The following PTPRG variants were observed in gnomAD, a reference collection of about 807,000 sequenced individuals.
PTPRG encodes protein tyrosine phosphatase receptor type G, also known as receptor-type tyrosine-protein phosphatase gamma.
PTPRG carries 102 observed loss-of-function variants against 165.3 expected under a neutral mutation model. The ratio of observed to expected loss-of-function variants is 0.62; its 90% CI spans 0.53 to 0.73. The LOEUF (loss-of-function observed/expected upper bound fraction) is 0.73. Among genes scored for constraint, PTPRG ranks in the 30% least tolerant of loss-of-function variants. The probability of loss-of-function intolerance (pLI) is 0.00; values close to 1 mark genes in which losing one functional copy is unlikely to be tolerated. For missense variants in PTPRG, 1,866 were observed against 1,861.4 expected, an observed-to-expected ratio of 1.00 and a Z score of -0.05; for synonymous variants, 675 against 669.5, an observed-to-expected ratio of 1.01 and a Z score of -0.13.
intron 2 of PTPRG, among the ~76,000 whole-genome samples, chr3:61,790,964 A>G (rs185852635): frequency 1.1e-4 from 16 of 152,334 alleles, no homozygotes; most frequent in Admixed American, 9.1e-4. Context: ...GGATATTTGT[A>G]ATTAAAATGA....
chr3:61,937,159 C>G (rs1327157586), intron 2 of PTPRG, among the ~76,000 whole-genome samples: 1 of 152,154 alleles, frequency 6.6e-6, no homozygotes, highest in Non-Finnish European at 1.5e-5. Context: ...TAAAGTCTTT[C>G]CTTGAAAGAT....
chr3:62,061,174 T>TA (rs1700798075), intron 4 of PTPRG, among the ~76,000 whole-genome samples: 1 of 152,234 alleles, frequency 6.6e-6, no homozygotes, highest in African/African-American at 2.4e-5. Context: ...CTGGAGTTTT[T>TA]AATGGGCACA....
At chr3:62,037,590 A>G (rs1213952685) in intron 4 of PTPRG, among the ~76,000 whole-genome samples, 2 of 152,230 alleles carry the variant, frequency 1.3e-5, no homozygotes, top group African/African-American at 4.8e-5. Flanking sequence ...CTTGTGTGCC[A>G]AAATCCAACT....
At chr3:61,704,608 C>G (rs934168957) in intron 1 of PTPRG, among the ~76,000 whole-genome samples, 14 of 150,126 alleles carry the variant, frequency 9.3e-5, no homozygotes, top group Admixed American at 6.0e-4. Flanking sequence ...TTGAGAGCCA[C>G]TAGTCTTATG....
intron 4 of PTPRG, among the ~76,000 whole-genome samples, chr3:62,061,402 T>C (rs9311837): frequency 0.16 from 16,451 of 101,730 alleles, 1,045 homozygotes; most frequent in Middle Eastern, 0.22. Flanking sequence ...ACCTGATTAT[T>C]GGTTGACACC....
At chr3:61,581,397 G>A (rs1222089023) in intron 1 of PTPRG, among the ~76,000 whole-genome samples, 1 of 152,156 alleles carries the variant, frequency 6.6e-6, no homozygotes, top group Non-Finnish European at 1.5e-5. Context: ...CCTGGTTTTA[G>A]TAGCAAGGTT....
chr3:61,672,544 C>G (rs1225103286), intron 1 of PTPRG, among the ~76,000 whole-genome samples: 4 of 144,598 alleles, frequency 2.8e-5, no homozygotes, highest in Non-Finnish European at 6.0e-5. Context: ...ACAGCGAAAC[C>G]CCGTCTCCAC....
intron 4 of PTPRG, among the ~76,000 whole-genome samples, chr3:62,052,117 T>G (rs1700487068): frequency 6.6e-6 from 1 of 152,214 alleles, no homozygotes; most frequent in African/African-American, 2.4e-5. Context: ...TGATATATGC[T>G]TTTATATATG....
chr3:62,044,019 C>A (rs1700208570), intron 4 of PTPRG, among the ~76,000 whole-genome samples: 1 of 152,160 alleles, frequency 6.6e-6, no homozygotes, highest in Non-Finnish European at 1.5e-5. Context: ...AATTTTTGCT[C>A]CCAATGATAA....
chr3:61,735,595 A>G (rs1386576323), intron 1 of PTPRG, among the ~76,000 whole-genome samples: 1 of 151,200 alleles, frequency 6.6e-6, no homozygotes, highest in Non-Finnish European at 1.5e-5. Flanking sequence ...AACAAAGCCG[A>G]TGAGAGGCCT....
chr3:61,610,540 T>C (rs1352706410), intron 1 of PTPRG, among the ~76,000 whole-genome samples: 1 of 152,204 alleles, frequency 6.6e-6, no homozygotes, highest in Non-Finnish European at 1.5e-5. Flanking sequence ...GATTATATCG[T>C]ATGTTTGCCT....
chr3:62,218,342 G>A (rs1251481547), intron 12 of PTPRG, among the ~76,000 whole-genome samples: 2 of 152,198 alleles, frequency 1.3e-5, no homozygotes, highest in East Asian at 3.9e-4. Context: ...ACAGGAAAGA[G>A]TAAGGGATGC....
At chr3:62,279,602 T>C (rs945547363) in intron 26 of PTPRG, among the ~76,000 whole-genome samples, 4 of 152,110 alleles carry the variant, frequency 2.6e-5, no homozygotes, top group African/African-American at 9.7e-5. Context: ...ATGTCTTTAA[T>C]ATCTGTGTCC....
chr3:61,996,151 G>C (rs1263017022), intron 3 of PTPRG, among the ~76,000 whole-genome samples: 1 of 152,070 alleles, frequency 6.6e-6, no homozygotes. Context: ...AGTAGATTTT[G>C]ATATTGACAA....
intron 28 of PTPRG, among the ~76,000 whole-genome samples, chr3:62,291,099 T>C (rs1162255615): frequency 1.3e-5 from 2 of 152,138 alleles, no homozygotes; most frequent in Non-Finnish European, 2.9e-5. Flanking sequence ...AGAGGAAATA[T>C]AGATGGTCAG....
intron 5 of PTPRG, among the ~76,000 whole-genome samples, chr3:62,094,898 A>G (rs1559499003): frequency 6.6e-6 from 1 of 152,218 alleles, no homozygotes; most frequent in African/African-American, 2.4e-5. Flanking sequence ...ATATTCCCAC[A>G]TCAGGAAGGC....
chr3:62,179,033 T>TG (rs1328848263), intron 8 of PTPRG, among the ~76,000 whole-genome samples: 2 of 152,220 alleles, frequency 1.3e-5, no homozygotes, highest in African/African-American at 4.8e-5. Flanking sequence ...GGTATCTAGC[T>TG]GGGAGACATC....
chr3:62,168,111 C>T lies in PTPRG; in HGVS notation c.981C>T (p.Asn327=). 1 of 1,614,092 alleles carries T rather than the reference C, an allele frequency of 6.2e-7. No homozygotes were observed. Among genetic ancestry groups the T allele is most frequent in the Non-Finnish European group, 8.5e-7 (1 of 1,180,000 alleles). ...AGTCCGCCGTCCGTGACTCCTGGAA[C>T]CACGACATGACAGACTTCTTAGAAA... ...VSKSAVRDSW[N]HDMTDFLENP... is the part of the protein sequence containing the mutation. Residue 327 remains asparagine, a synonymous_variant, in exon 8 of 30, where the codon AAC becomes AAT. Coordinates refer to ENST00000474889, the MANE Select transcript of PTPRG (RefSeq NM_002841.4).
At chr3:61,908,533 G>T (rs1281712122) in intron 2 of PTPRG, among the ~76,000 whole-genome samples, 3 of 152,098 alleles carry the variant, frequency 2.0e-5, no homozygotes, top group Non-Finnish European at 2.9e-5. Flanking sequence ...GGAGGACGTG[G>T]TTAGAGTTTG....
Sources: allele counts gnomAD v4.1 joint callset (sites outside exome capture counted in the v4.1 genomes callset), GRCh38; gene constraint gnomAD v4.1.1; transcripts MANE v1.5; gene names NCBI Gene and HGNC (gene_info 2026-07-23, HGNC 2026-07-21).